Variants in CAST observed in about 807,000 individuals in gnomAD.
CAST encodes calpastatin.
A neutral mutation model predicts 119.6 loss-of-function variants in CAST; 76 were observed. The observed-to-expected ratio is 0.64, with a 90% CI of 0.53 to 0.77. CAST has a LOEUF of 0.77. Among genes scored for constraint, CAST ranks in the 30% least tolerant of loss-of-function variants. The probability of loss-of-function intolerance (pLI) is 0.00; values close to 1 mark genes in which losing one functional copy is unlikely to be tolerated. For synonymous variants in CAST, 319 were observed against 331.6 expected, an observed-to-expected ratio of 0.96 and a Z score of 0.41; for missense variants, 953 against 946.5, an observed-to-expected ratio of 1.01 and a Z score of -0.09.
intron 1 of CAST, among the ~76,000 whole-genome samples, chr5:96,641,748 C>T (rs578126835): frequency 3.0e-4 from 45 of 152,320 alleles, no homozygotes; most frequent in African/African-American, 1.0e-3. Context: ...CCTTCATCCT[C>T]CAAGTCCCAG....
At chr5:96,030,812 C>G in the CAST span, among the ~76,000 whole-genome samples, 1 of 152,006 alleles carries the variant, frequency 6.6e-6, no homozygotes, top group East Asian at 1.9e-4. Flanking sequence ...TTGGGAGGCC[C>G]AAAAGGAGGA....
chr5:96,134,696 C>G, the CAST span, among the ~76,000 whole-genome samples: 1 of 152,176 alleles, frequency 6.6e-6, no homozygotes. Flanking sequence ...CACAGGAGAA[C>G]ATCTAAATAA....
chr5:96,695,982 G>A (rs778126360), intron 3 of CAST, 75 bp downstream of exon 3: 175 of 932,506 alleles, frequency 1.9e-4, no homozygotes, highest in Non-Finnish European at 2.7e-4. Flanking sequence ...GGGCCTGTAG[G>A]AATGGCAAAC....
chr5:96,680,228 G>A (rs939028737), intron 2 of CAST, among the ~76,000 whole-genome samples: 4 of 151,200 alleles, frequency 2.6e-5, no homozygotes, highest in Admixed American at 6.6e-5. Flanking sequence ...GGGTGTGGGC[G>A]CCTATAGTCC....
chr5:96,280,884 C>T, the CAST span, among the ~76,000 whole-genome samples: 17 of 152,226 alleles, frequency 1.1e-4, no homozygotes, highest in Admixed American at 3.3e-4. Context: ...AAAATCCTTT[C>T]AGTCCCTCCT....
chr5:96,323,911 A>G, the CAST span, among the ~76,000 whole-genome samples: 1 of 152,104 alleles, frequency 6.6e-6, no homozygotes, highest in Non-Finnish European at 1.5e-5. Context: ...TTTTCCATGA[A>G]CAGTGCAGTT....
the CAST span, among the ~76,000 whole-genome samples, chr5:96,058,927 C>T: frequency 6.6e-6 from 1 of 152,092 alleles, no homozygotes; most frequent in African/African-American, 2.4e-5. Flanking sequence ...TAGCATATCC[C>T]CAGAAAAGAT....
At chr5:96,740,723 A>T in intron 12 of CAST, 22 bp from the exon 13 acceptor site, 1 of 1,582,614 alleles carries the variant, frequency 6.3e-7, no homozygotes. Flanking sequence ...TCTCAACATC[A>T]TCAAATTAAT....
the CAST span, among the ~76,000 whole-genome samples, chr5:96,228,560 C>T: frequency 1.3e-5 from 2 of 152,172 alleles, no homozygotes; most frequent in African/African-American, 2.4e-5. Context: ...CCCCTAGATT[C>T]GTGCCTGCAT....
chr5:96,435,421 C>G, the CAST span, among the ~76,000 whole-genome samples: 1 of 152,190 alleles, frequency 6.6e-6, no homozygotes, highest in African/African-American at 2.4e-5. Flanking sequence ...TGATTTTTAT[C>G]CTATGAACCT....
the CAST span, chr5:96,399,128 C>T: frequency 3.3e-6 from 3 of 900,248 alleles, no homozygotes. Context: ...TGACTAGATG[C>T]TCAACTAAGC....
intron 3 of CAST, among the ~76,000 whole-genome samples, chr5:96,713,844 GC>G (rs1486839745): frequency 1.3e-5 from 2 of 151,996 alleles, no homozygotes; most frequent in Admixed American, 6.6e-5. Flanking sequence ...GTGTGGTGGT[GC>G]ACACCTGTAG....
chr5:96,547,392 C>T (rs1746037904), intron 1 of CAST, among the ~76,000 whole-genome samples: 1 of 152,182 alleles, frequency 6.6e-6, no homozygotes, highest in African/African-American at 2.4e-5. Flanking sequence ...AAGTCCTTGA[C>T]TCTGAAGGCC....
chr5:96,754,694 G>A lies in CAST; in HGVS notation c.1663G>A (p.Glu555Lys). 6.2e-7 allele frequency: 1 copy of A among 1,610,122 alleles called. No homozygotes were observed. The highest frequency in any genetic ancestry group is 1.1e-5 in the South Asian group (1 of 90,770). The part of the protein sequence containing the change: ...AKEEDREKLG[E>K]KEETIPPDYR... ...AGAAGAAGACCGTGAAAAGCTTGGTGAAAAAGAAGAAACAATTCCTCCTGA... is the reference window on the plus strand; with the variant it reads ...AGAAGAAGACCGTGAAAAGCTTGGTAAAAAAGAAGAAACAATTCCTCCTGA... Residue 555 changes from glutamate (E) to lysine (K), a missense_variant, in exon 22 of 32, where the codon GAA (glutamate) becomes AAA (lysine). By Grantham distance (56) the Glu-to-Lys change is moderately conservative. Transcript: ENST00000675179.
chr5:96,598,649 C>G (rs1354281805), intron 1 of CAST, among the ~76,000 whole-genome samples: 1 of 152,178 alleles, frequency 6.6e-6, no homozygotes, highest in Non-Finnish European at 1.5e-5. Context: ...TATATGTCAA[C>G]TTGACTGGGC....
chr5:96,223,845 G>T, the CAST span, among the ~76,000 whole-genome samples: 1 of 152,110 alleles, frequency 6.6e-6, no homozygotes, highest in African/African-American at 2.4e-5. Flanking sequence ...ACTGTCATGA[G>T]AATTTTCTGA....
the CAST span, among the ~76,000 whole-genome samples, chr5:96,401,086 CAAAAAAAAAAAA>C: frequency 8.5e-5 from 6 of 70,574 alleles, no homozygotes; most frequent in African/African-American, 2.4e-4. Context: ...GACTCCGTCT[CAAAAAAAAAAAA>C]AAAAAAAAAA....
At chr5:96,670,358 C>T (rs1299600425) in intron 1 of CAST, among the ~76,000 whole-genome samples, 1 of 152,020 alleles carries the variant, frequency 6.6e-6, no homozygotes, top group Non-Finnish European at 1.5e-5. Context: ...AAGCCTCATA[C>T]TTTAAAAAAT....
chr5:96,135,467 G>C, the CAST span, among the ~76,000 whole-genome samples: 6 of 152,300 alleles, frequency 3.9e-5, no homozygotes, highest in East Asian at 1.2e-3. Flanking sequence ...TGGATGTATG[G>C]TGGTGGTTTA....
Sources: allele counts gnomAD v4.1 joint callset (sites outside exome capture counted in the v4.1 genomes callset), GRCh38; gene constraint gnomAD v4.1.1; transcripts MANE v1.5; gene names NCBI Gene and HGNC (gene_info 2026-07-23, HGNC 2026-07-21).